Variants in TMEM131 observed in about 807,000 individuals in gnomAD.
TMEM131 encodes the protein 2610524E03Rik.
Under a neutral mutation model 211.6 loss-of-function variants are expected in TMEM131, and 66 were observed. The ratio of observed to expected loss-of-function variants is 0.31; its 90% CI spans 0.26 to 0.38. TMEM131 has a LOEUF of 0.38. Among genes scored for constraint, TMEM131 ranks in the 10% least tolerant of loss-of-function variants. The probability of loss-of-function intolerance (pLI) is 1.00; values close to 1 mark genes in which losing one functional copy is unlikely to be tolerated. For missense variants in TMEM131, 2,036 were observed against 2,299.3 expected (o/e 0.89, Z 2.34); for synonymous variants, 844 against 841.3 (o/e 1.00, Z -0.06).
chr2:97,826,049 T>C (rs2100058), intron 11 of TMEM131, among the ~76,000 whole-genome samples: 114,102 of 152,190 alleles, frequency 0.75, 44,442 homozygotes, highest in African/African-American at 0.87. Context: ...GCATGACTGC[T>C]GACAAATTAT....
intron 11 of TMEM131, chr2:97,827,195 C>T (rs12104810): frequency 0.34 from 229,960 of 675,660 alleles, 43,790 homozygotes; most frequent in Non-Finnish European, 0.39. Context: ...CGTGAAGGCT[C>T]TTGGCGCGCC....
chr2:97,965,053 A>G (rs1386550858), intron 1 of TMEM131, among the ~76,000 whole-genome samples: 4 of 152,182 alleles, frequency 2.6e-5, no homozygotes, highest in Admixed American at 2.6e-4. Flanking sequence ...CCAAGAGCGT[A>G]AGAGCTCCGC....
chr2:97,796,443 C>A, intron 27 of TMEM131, 39 bp from the exon 28 acceptor site: 1 of 1,280,118 alleles, frequency 7.8e-7, no homozygotes. Flanking sequence ...TAAATCTTGC[C>A]ATCATGTGCT....
At chr2:97,978,201 G>A (rs1679629108) in intron 1 of TMEM131, among the ~76,000 whole-genome samples, 1 of 152,178 alleles carries the variant, frequency 6.6e-6, no homozygotes, top group African/African-American at 2.4e-5. Flanking sequence ...TTTACCCACA[G>A]AAGAACTTAT....
chr2:97,875,887 T>C (rs765905454), intron 4 of TMEM131, among the ~76,000 whole-genome samples: 7 of 152,058 alleles, frequency 4.6e-5, no homozygotes, highest in East Asian at 1.9e-4. Flanking sequence ...CTGAAGGAGA[T>C]AGAGACACAA....
chr2:97,995,185 C>A (rs540994687), intron 1 of TMEM131, among the ~76,000 whole-genome samples: 8 of 152,326 alleles, frequency 5.3e-5, no homozygotes, highest in Admixed American at 1.3e-4. Context: ...GCAATAAAGC[C>A]AAAAAATATG....
intron 31 of TMEM131, among the ~76,000 whole-genome samples, chr2:97,784,284 C>A (rs1028213815): frequency 3.3e-5 from 5 of 151,928 alleles, no homozygotes; most frequent in Non-Finnish European, 7.4e-5. Flanking sequence ...TTTCAAGTGC[C>A]CATGGGTCAT....
intron 1 of TMEM131, among the ~76,000 whole-genome samples, chr2:97,955,080 TCAAA>T (rs1678505176): frequency 6.6e-6 from 1 of 151,698 alleles, no homozygotes; most frequent in African/African-American, 2.4e-5. Flanking sequence ...GCAAAAACCC[TCAAA>T]CAAATACCAG....
chr2:97,950,504 C>T (rs1678260335), intron 1 of TMEM131, among the ~76,000 whole-genome samples: 1 of 152,018 alleles, frequency 6.6e-6, no homozygotes, highest in Non-Finnish European at 1.5e-5. Flanking sequence ...TGTCCCTACA[C>T]TTGCTTCTCC....
chr2:97,957,576 T>A (rs1325743984), intron 1 of TMEM131, among the ~76,000 whole-genome samples: 8 of 152,084 alleles, frequency 5.3e-5, no homozygotes, highest in Non-Finnish European at 1.5e-5. Context: ...TATTTCATGA[T>A]CTCATTGTGG....
chr2:97,993,667 A>C (rs531471538), intron 1 of TMEM131, among the ~76,000 whole-genome samples: 21 of 152,328 alleles, frequency 1.4e-4, no homozygotes, highest in Non-Finnish European at 1.3e-4. Context: ...TGGCTGATTC[A>C]ACCACCCCTT....
chr2:97,955,870 T>C (rs1250306357), intron 1 of TMEM131, among the ~76,000 whole-genome samples: 1 of 152,138 alleles, frequency 6.6e-6, no homozygotes, highest in East Asian at 1.9e-4. Flanking sequence ...TGAACATATA[T>C]AATAGAGTAC....
At chr2:97,835,069 T>A in intron 8 of TMEM131, 144 bp from the exon 9 acceptor site, 1 of 776,270 alleles carries the variant, frequency 1.3e-6, no homozygotes, top group South Asian at 2.2e-5. Flanking sequence ...ATTAAACCAA[T>A]ATGTAACACA....
rs748449936 is a variant in TMEM131 at position 97,814,050 on chromosome 2, T to A, written c.1538A>T (p.His513Leu). The change falls in exon 15 of 41, where the codon CAC (histidine) becomes CTC (leucine). Residue 513 changes from histidine (H) to leucine (L), a missense_variant. By Grantham distance (99) the His-to-Leu change is moderately conservative. Around this residue, in one of 3 missense-constraint regions of TMEM131, gnomAD observed 1,623 missense variants for 1,805.9 expected, o/e 0.90. Coordinates refer to ENST00000186436, the MANE Select transcript of TMEM131 (RefSeq NM_015348.2). ...LLFMPSTSSM[H>L]IDNNILLITN... ...AATAAGTAAAATGTTGTTATCAATG[T>A]GCATGGATGATGTGGAAGGCATAAA... The A allele has an allele frequency of 6.2e-7, 1 of 1,602,086 alleles. No individual in the cohort carries two copies. Among genetic ancestry groups the A allele is most frequent in the South Asian group, 1.1e-5 (1 of 89,306 alleles).
intron 11 of TMEM131, among the ~76,000 whole-genome samples, chr2:97,831,457 G>A (rs79116508): frequency 0.018 from 2,714 of 152,128 alleles, 116 homozygotes; most frequent in East Asian, 0.15. Flanking sequence ...GGGAATAAGA[G>A]AAAACTACCA....
intron 4 of TMEM131, among the ~76,000 whole-genome samples, chr2:97,870,816 C>A (rs79669465): frequency 6.6e-6 from 1 of 152,164 alleles, no homozygotes; most frequent in Non-Finnish European, 1.5e-5. Flanking sequence ...ACTCAATTAC[C>A]GCAAAATACT....
chr2:97,757,025 A>C lies in TMEM131; in HGVS notation c.*74T>G. 1 of 1,475,928 alleles carries C rather than the reference A, an allele frequency of 6.8e-7. No individual in the cohort carries two copies. The highest frequency in any genetic ancestry group is 9.0e-7 in the Non-Finnish European group (1 of 1,110,428). 91.4% of individuals were successfully genotyped at this position (1,475,928 alleles called of 1,614,324 possible). A position where few individuals can be genotyped will look rare whatever the true frequency, so the allele number is the denominator to read the frequency against. On this transcript the variant is annotated 3_prime_UTR_variant, in exon 41 of 41. Transcript: ENST00000186436. ...GGAGGGGAGCTGCAGTAAGAGCCTT[A>C]AAAAGATGTCTCAGAAACTGGCACA...
Position 97,802,635 on chromosome 2 carries a change from T to C in TMEM131, c.2541+17A>G, listed in dbSNP as rs746411298. 1 of 1,611,440 alleles carries C rather than the reference T, an allele frequency of 6.2e-7. No individual in the cohort carries two copies. Among genetic ancestry groups the C allele is most frequent in the South Asian group, 1.1e-5 (1 of 90,416 alleles). ...TAGTATGTATTTCCAAAAACCAATG[T>C]CACTTTGAATACTTACTGAGGAGCA... is the stretch of plus-strand genomic sequence containing the variant. On this transcript the variant is annotated intron_variant, in intron 23 of 40. Coordinates refer to ENST00000186436, the MANE Select transcript of TMEM131 (RefSeq NM_015348.2).
chr2:97,959,765 C>T (rs936419377), intron 1 of TMEM131, among the ~76,000 whole-genome samples: 1 of 152,150 alleles, frequency 6.6e-6, no homozygotes, highest in Non-Finnish European at 1.5e-5. Flanking sequence ...TAAGTTTCCA[C>T]CCCAAAATGT....
Sources: gnomAD v4.1 joint callset for allele counts (sites outside exome capture counted in the v4.1 genomes callset) on GRCh38, gnomAD v4.1.1 for gene constraint, gnomAD v4.1.1 regional missense constraint, MANE v1.5 for transcripts, NCBI Gene and HGNC (gene_info 2026-07-23, HGNC 2026-07-21) for gene names.